The following RARB variants were observed in gnomAD, a reference collection of about 807,000 sequenced individuals.
RARB encodes the protein HBV-activated protein.
RARB carries 17 observed loss-of-function variants against 51.9 expected under a neutral mutation model. The ratio of observed to expected loss-of-function variants is 0.33; its 90% CI spans 0.22 to 0.49. The LOEUF (loss-of-function observed/expected upper bound fraction) is 0.49, where lower values mean the gene tolerates loss of function less well. Ranked by LOEUF, RARB falls within the 20% of genes least tolerant of loss-of-function variation. The probability of loss-of-function intolerance (pLI) is 0.99; values close to 1 mark genes in which losing one functional copy is unlikely to be tolerated. For synonymous variants in RARB, 215 were observed against 195.4 expected (o/e 1.10, Z -0.84); for missense variants, 369 against 550.8 (o/e 0.67, Z 3.30).
rs151259387 is a variant in RARB, at chr3:25,476,528, A to G, written c.306+15187A>G. Among the ~76,000 whole-genome samples the G allele has an allele frequency of 4.0e-3, 604 of 152,240 alleles. 3 individuals carry two copies. Among genetic ancestry groups the G allele is most frequent in the African/African-American group, 0.014 (564 of 41,534 alleles). On this transcript the variant is annotated intron_variant, in intron 2 of 7. Coordinates refer to ENST00000330688, the MANE Select transcript of RARB (RefSeq NM_000965.5). ...GTTTATAGGGTAGATTTAGGAAAAA[A>G]AATTGTGTGGCACCCCAAATTGCCT...
chr3:25,593,531 C>T lies in RARB; in HGVS notation c.815C>T (p.Pro272Leu), dbSNP rs902652059. ...LILRICTRYT[P>L]EQDTMTFSDG... The stretch of plus-strand genomic sequence containing the variant: ...CTTAGAATTTGCACCAGGTATACCC[C>T]AGAACAAGACACCATGACTTTCTCA... Residue 272 changes from proline (P) to leucine (L), a missense_variant, in exon 6 of 8, where the codon CCA becomes CTA. By Grantham distance (98) the Pro-to-Leu change is moderately conservative. This residue lies in a region of RARB where 49 missense variants were observed against 103.4 expected (regional missense o/e 0.47). Coordinates refer to ENST00000330688, the MANE Select transcript of RARB (RefSeq NM_000965.5). 6.2e-7 allele frequency: 1 copy of T among 1,613,906 alleles called. No individual in the cohort carries two copies. The highest frequency in any genetic ancestry group is 8.5e-7 in the Non-Finnish European group (1 of 1,179,908).
At chr3:25,277,347 T>C (rs941929601) in intron 5 of RARB, among the ~76,000 whole-genome samples, 5 of 152,064 alleles carry the variant, frequency 3.3e-5, no homozygotes, top group Non-Finnish European at 5.9e-5. Context: ...CCTAATCCAC[T>C]CCAGGAGCTC....
At chr3:25,200,321 C>A (rs1227272573) in intron 5 of RARB, among the ~76,000 whole-genome samples, 1 of 149,882 alleles carries the variant, frequency 6.7e-6, no homozygotes, top group Non-Finnish European at 1.5e-5. Context: ...TGTTTGAGTT[C>A]TCTGTAGATT....
At chr3:25,564,245 C>T (rs1042946848) in intron 3 of RARB, among the ~76,000 whole-genome samples, 2 of 152,190 alleles carry the variant, frequency 1.3e-5, no homozygotes, top group East Asian at 1.9e-4. Context: ...ACATTCATTT[C>T]ATTTGCAATA....
chr3:25,448,081 G>A (rs1173965828), intron 1 of RARB, among the ~76,000 whole-genome samples: 2 of 151,886 alleles, frequency 1.3e-5, no homozygotes, highest in East Asian at 3.9e-4. Flanking sequence ...AGAAATTGAG[G>A]CTCAGAGAGG....
intron 2 of RARB, among the ~76,000 whole-genome samples, chr3:24,940,288 C>T (rs565046173): frequency 7.2e-5 from 11 of 152,010 alleles, no homozygotes; most frequent in Non-Finnish European, 1.6e-4. Context: ...ATGGGAGCAG[C>T]TCGGTGGGTG....
chr3:25,342,658 C>T (rs920610624), intron 5 of RARB, among the ~76,000 whole-genome samples: 1 of 152,212 alleles, frequency 6.6e-6, no homozygotes, highest in Non-Finnish European at 1.5e-5. Context: ...GTATAACCCA[C>T]CTCTATTTAA....
chr3:25,501,873 G>T lies in RARB; in HGVS notation c.448+550G>T, dbSNP rs575304001. Among the ~76,000 whole-genome samples, 3 of 152,258 alleles carry T rather than the reference G, an allele frequency of 2.0e-5. No individual in the cohort carries two copies. The South Asian group carries it at 6.2e-4, about 32-fold the overall frequency. ...AATAATGCACTTTATTAGTGCAAAA[G>T]ATATTTTAAAAATACATTAAAAATT... On this transcript the variant is annotated intron_variant, in intron 3 of 7. Coordinates refer to ENST00000330688, the MANE Select transcript of RARB (RefSeq NM_000965.5).
chr3:24,848,174 C>A (rs1702509303), intron 1 of RARB, among the ~76,000 whole-genome samples: 1 of 152,194 alleles, frequency 6.6e-6, no homozygotes, highest in African/African-American at 2.4e-5. Context: ...ATCCTCCCAC[C>A]TCAACCTACC....
At chr3:24,972,725 C>T (rs956592383) in intron 2 of RARB, among the ~76,000 whole-genome samples, 1 of 151,964 alleles carries the variant, frequency 6.6e-6, no homozygotes, top group African/African-American at 2.4e-5. Context: ...TTTTGACTTG[C>T]ATTTTTTGGA....
intron 2 of RARB, among the ~76,000 whole-genome samples, chr3:24,883,011 A>G (rs1346649366): frequency 6.6e-6 from 1 of 152,112 alleles, no homozygotes; most frequent in African/African-American, 2.4e-5. Context: ...TGCGTGCAGC[A>G]CTAAGGGGAG....
chr3:25,195,288 A>C (rs1258849060), intron 5 of RARB, among the ~76,000 whole-genome samples: 1 of 151,994 alleles, frequency 6.6e-6, no homozygotes, highest in Non-Finnish European at 1.5e-5. Context: ...TGTATCACTT[A>C]AGAATAGGTA....
At chr3:25,421,373 A>G (rs1707854551) in intron 5 of RARB, among the ~76,000 whole-genome samples, 1 of 147,216 alleles carries the variant, frequency 6.8e-6, no homozygotes, top group Non-Finnish European at 1.5e-5. Context: ...TTGTCCTTGC[A>G]GACATTGCAC....
At chr3:24,858,566 A>G (rs140917496) in intron 1 of RARB, 149 of 152,332 alleles carry the variant, frequency 9.8e-4, no homozygotes, top group African/African-American at 3.4e-3. Context: ...ATGTCACGTC[A>G]TGGAAAGGAG....
chr3:25,468,005 A>G (rs1695514012), intron 2 of RARB, among the ~76,000 whole-genome samples: 1 of 152,050 alleles, frequency 6.6e-6, no homozygotes, highest in Admixed American at 6.6e-5. Context: ...AGGGGGCCTG[A>G]TGTGATGGGG....
At chr3:25,246,435 T>C (rs1056611932) in intron 5 of RARB, among the ~76,000 whole-genome samples, 1 of 152,198 alleles carries the variant, frequency 6.6e-6, no homozygotes, top group Non-Finnish European at 1.5e-5. Flanking sequence ...TTTTTGTGCT[T>C]GTTTTTCCTC....
intron 2 of RARB, among the ~76,000 whole-genome samples, chr3:25,028,785 C>G (rs1200639103): frequency 6.6e-6 from 1 of 152,146 alleles, no homozygotes; most frequent in Non-Finnish European, 1.5e-5. Flanking sequence ...AGTCTTGTAA[C>G]TTTCTGGAAA....
intron 5 of RARB, among the ~76,000 whole-genome samples, chr3:25,587,606 T>C (rs902141717): frequency 2.0e-5 from 3 of 152,180 alleles, no homozygotes; most frequent in African/African-American, 7.2e-5. Context: ...GCTTCTAACA[T>C]CTGTATTTTC....
chr3:25,059,346 C>T (rs1055697827), intron 2 of RARB, among the ~76,000 whole-genome samples: 1 of 151,618 alleles, frequency 6.6e-6, no homozygotes, highest in Non-Finnish European at 1.5e-5. Context: ...TGTTAAACTC[C>T]TGAGGCTTTG....
Sources: allele counts gnomAD v4.1 joint callset (sites outside exome capture counted in the v4.1 genomes callset), GRCh38; gene constraint gnomAD v4.1.1; regional missense constraint gnomAD v4.1.1; transcripts MANE v1.5; gene names NCBI Gene and HGNC (gene_info 2026-07-23, HGNC 2026-07-21).